C11orf21: variants seen among roughly 807,000 people sequenced by gnomAD.
The protein encoded by C11orf21 is chromosome 11 open reading frame 21.
In C11orf21, 19 loss-of-function variants were observed where a neutral mutation model predicts 15.2. The observed-to-expected ratio is 1.25, with a 90% CI of 0.87 to 1.84. The LOEUF is 1.84. Among genes scored for constraint, C11orf21 ranks in the 40% most tolerant of loss-of-function variants. C11orf21 has a pLI of 0.00. For synonymous variants in C11orf21, 62 were observed against 66.8 expected (o/e 0.93, Z 0.35); for missense variants, 171 against 174.4 (o/e 0.98, Z 0.11).
chr11:2,302,036 G>A, upstream of C11orf21: 5 of 1,494,338 alleles, frequency 3.3e-6, no homozygotes, highest in Non-Finnish European at 4.4e-6. Flanking sequence ...CAGACAGACA[G>A]AGGGGCGGAT....
intron 3 of C11orf21, among the ~76,000 whole-genome samples, chr11:2,298,838 G>A (rs1847596462): frequency 6.6e-6 from 1 of 152,102 alleles, no homozygotes; most frequent in South Asian, 2.1e-4. Context: ...CTATGAAGGG[G>A]CAGCCATCCC....
chr11:2,300,662 C>T (rs1847696326), intron 1 of C11orf21, 49 bp from the exon 2 acceptor site: 1 of 1,549,890 alleles, frequency 6.5e-7, no homozygotes, highest in African/African-American at 1.4e-5. Flanking sequence ...CCAGGCCCGC[C>T]CTGCTCCGAA....
chr11:2,301,587 T>G, intron 1 of C11orf21, 169 bp downstream of exon 1: 1 of 609,512 alleles, frequency 1.6e-6, no homozygotes, highest in Non-Finnish European at 2.7e-6. Flanking sequence ...ACGAAGGCAT[T>G]AAAACCAACG....
rs1236688161 is a variant in C11orf21, at chr11:2,301,904, G to C, written c.-96C>G. Reference sequence around the variant, plus strand: ...CTCAGATGTCAGCAAATGCCCTGGTGTCTTGGGCTGGGCTGGGGGCACCAG... The same window carrying C: ...CTCAGATGTCAGCAAATGCCCTGGTCTCTTGGGCTGGGCTGGGGGCACCAG... On this transcript the variant is annotated 5_prime_UTR_variant, in exon 1 of 4. Transcript: ENST00000381153. The C allele has an allele frequency of 2.6e-6, 4 of 1,541,162 alleles. No homozygotes were observed. Among genetic ancestry groups the C allele is most frequent in the Non-Finnish European group, 3.5e-6 (4 of 1,143,502 alleles).
intron 2 of C11orf21, 24 bp downstream of exon 2, chr11:2,300,496 C>T (rs761509806): frequency 3.6e-5 from 53 of 1,478,484 alleles, no homozygotes; most frequent in Non-Finnish European, 4.8e-5. Flanking sequence ...TGGTGGGGCA[C>T]AGTGAGGGGG....
Position 2,296,988 on chromosome 11 carries a change from C to G in C11orf21, c.*962G>C, listed in dbSNP as rs1039492449. On this transcript the variant is annotated 3_prime_UTR_variant, in exon 4 of 4. Coordinates refer to ENST00000381153, the MANE Select transcript of C11orf21 (RefSeq NM_001329958.2). This position sits in a 1 kb window ranked among gnomAD's most constrained non-coding sequence, Gnocchi z 5.6. ...GGGTGCGGCCCACATGTGAGGGACC[C>G]TCAGGCTGGGCAGCATTGGCTGAGC... 4 of 152,330 alleles carry G rather than the reference C, an allele frequency of 2.6e-5. No homozygotes were observed. Among genetic ancestry groups the G allele is most frequent in the Non-Finnish European group, 5.9e-5 (4 of 68,114 alleles). The allele number at this position is 152,330 out of a possible 1,614,324, so 9.4% of individuals were successfully genotyped here.
chr11:2,300,814 A>G, intron 1 of C11orf21: 1 of 1,540,768 alleles, frequency 6.5e-7, no homozygotes, highest in Non-Finnish European at 8.8e-7. Context: ...TCTTCCCTGG[A>G]GAGGACGGGC....
chr11:2,300,321 G>A (rs1416911601), intron 2 of C11orf21, among the ~76,000 whole-genome samples, 199 bp downstream of exon 2: 1 of 138,442 alleles, frequency 7.2e-6, no homozygotes, highest in Non-Finnish European at 1.6e-5. Flanking sequence ...AGCGGTGTGC[G>A]GGGTGGGCAG....
rs372740182 is a variant in C11orf21, at chr11:2,301,744, C to T, written c.53+12G>A. On this transcript the variant is annotated intron_variant, in intron 1 of 3. Coordinates refer to ENST00000381153, the MANE Select transcript of C11orf21 (RefSeq NM_001329958.2). ...AGTCCACACTTGCTCACTCCCAGGA[C>T]GGGGAGCTCACCTCCTCCTCCCCGG... The T allele has an allele frequency of 1.3e-5, 20 of 1,544,950 alleles. No homozygotes were observed. Among genetic ancestry groups the T allele is most frequent in the Admixed American group, 1.2e-4 (6 of 50,854 alleles).
At chr11:2,302,175 T>C, upstream of C11orf21, 1 of 1,421,944 alleles carries the variant, frequency 7.0e-7, no homozygotes, top group Non-Finnish European at 9.2e-7. Context: ...CGAGTCAGGG[T>C]TGCCAAATGC....
At chr11:2,302,898 T>A, upstream of C11orf21, 1 of 1,613,636 alleles carries the variant, frequency 6.2e-7, no homozygotes, top group Non-Finnish European at 8.5e-7. Context: ...CGGGGCCCAC[T>A]TTGCTGTCAT....
chr11:2,302,546 A>G (rs1847817106), upstream of C11orf21, among the ~76,000 whole-genome samples: 1 of 152,164 alleles, frequency 6.6e-6, no homozygotes, highest in South Asian at 2.1e-4. Flanking sequence ...GGGTGCTGGC[A>G]CAGGGGTGGG....
upstream of C11orf21, chr11:2,302,954 A>G (rs531066922): frequency 3.7e-6 from 6 of 1,613,072 alleles, no homozygotes; most frequent in African/African-American, 2.7e-5. Flanking sequence ...CTGTGCACCA[A>G]TGGGGTAAGT....
At chr11:2,299,854 A>T (rs1640071844) in intron 2 of C11orf21, 147 bp from the exon 3 acceptor site, 1 of 669,094 alleles carries the variant, frequency 1.5e-6, no homozygotes, top group East Asian at 3.3e-5. Context: ...ACGCCTGCAC[A>T]CGCATCCATG....
At chr11:2,300,982 C>A in intron 1 of C11orf21, 2 of 582,044 alleles carry the variant, frequency 3.4e-6, no homozygotes, top group Admixed American at 3.1e-5. Context: ...TCTCCACAAG[C>A]CCCCACAGAC....
upstream of C11orf21, chr11:2,302,276 C>A: frequency 7.6e-7 from 1 of 1,322,770 alleles, no homozygotes; most frequent in Non-Finnish European, 9.8e-7. Flanking sequence ...TGAGGGGTGG[C>A]AGGGCCTCAG....
At chr11:2,302,084 C>T, upstream of C11orf21, 2 of 1,486,278 alleles carry the variant, frequency 1.3e-6, no homozygotes, top group Non-Finnish European at 1.8e-6. Flanking sequence ...CGGTCTGAGG[C>T]CCCTGCCCAG....
At chr11:2,300,646 A>G in intron 1 of C11orf21, 33 bp from the exon 2 acceptor site, 2 of 1,550,816 alleles carry the variant, frequency 1.3e-6, no homozygotes, top group Non-Finnish European at 1.7e-6. Context: ...AGGACAGGTC[A>G]AGAACCCAGG....
intron 3 of C11orf21, among the ~76,000 whole-genome samples, chr11:2,298,534 G>A (rs1847585075): frequency 6.6e-6 from 1 of 152,182 alleles, no homozygotes; most frequent in Non-Finnish European, 1.5e-5. Flanking sequence ...TCTGCCAGCG[G>A]GACCTTCCCC....
Sources: gnomAD v4.1 joint callset for allele counts (sites outside exome capture counted in the v4.1 genomes callset) on GRCh38, gnomAD v4.1.1 for gene constraint, Gnocchi (gnomAD v3.1) non-coding constraint, MANE v1.5 for transcripts, NCBI Gene and HGNC (gene_info 2026-07-23, HGNC 2026-07-21) for gene names.